DMRTC1: variants seen among roughly 807,000 people sequenced by gnomAD.
DMRTC1 encodes the protein doublesex- and mab-3-related transcription factor C1.
For missense variants in DMRTC1, 9 were observed against 34.6 expected (o/e 0.26, Z 1.86); for synonymous variants, 7 against 14.1 (o/e 0.50, Z 1.13).
rs1348124480 is a variant in DMRTC1, at chrX:72,913,573, G to A, written c.-95+30002C>T. ...TGTTACTAGGTCCTGGTGGCGATGG[G>A]CTGTAGCCAATCAACGGTGAGTTTT... On this transcript the variant is annotated intron_variant, in intron 1 of 6. Coordinates refer to ENST00000615063, the MANE Select transcript of DMRTC1 (RefSeq NM_033053.3). Among the ~76,000 whole-genome samples the A allele has an allele frequency of 3.0e-4, 30 of 101,186 alleles. 1 individual carries two copies. Among genetic ancestry groups the A allele is most frequent in the Middle Eastern group, 9.8e-3 (2 of 204 alleles). The allele number at this position is 101,186 out of a possible 115,157, so 87.9% of individuals were successfully genotyped here. A position where few individuals can be genotyped will look rare whatever the true frequency, so the allele number is the denominator to read the frequency against.
chrX:72,879,147 G>GTTT (rs781972795), intron 1 of DMRTC1, among the ~76,000 whole-genome samples: 35 of 12,779 alleles, frequency 2.7e-3, no homozygotes, highest in Non-Finnish European at 3.7e-3. Context: ...TTTTTTGTTT[G>GTTT]TTTTTTTTTT....
chrX:72,902,837 A>G lies in DMRTC1; in HGVS notation c.-94-27049T>C, dbSNP rs1240523084. 3.5e-4 allele frequency among the ~76,000 whole-genome samples: 11 copies of G among 31,293 alleles called. No individual in the cohort carries two copies. In the Admixed American group the frequency reaches 4.8e-3, roughly 14 times the overall value. The allele number at this position is 31,293 out of a possible 115,157, so 27.2% of individuals were successfully genotyped here. On this transcript the variant is annotated intron_variant, in intron 1 of 6. Coordinates refer to ENST00000615063, the MANE Select transcript of DMRTC1 (RefSeq NM_033053.3). ...ATACCAATCCTACTCAAAGTACTTC[A>G]AAAGGTAGAGGAGGAGGGAATACTT...
chrX:72,906,118 G>A (rs1556354780), intron 1 of DMRTC1, among the ~76,000 whole-genome samples: 1 of 68,114 alleles, frequency 1.5e-5, no homozygotes, highest in Admixed American at 1.8e-4. Context: ...CAATTACGCA[G>A]CAATAAATGG....
At chrX:72,916,372 C>T (rs1461562077) in intron 1 of DMRTC1, among the ~76,000 whole-genome samples, 2 of 108,125 alleles carry the variant, frequency 1.8e-5, no homozygotes, top group Non-Finnish European at 3.8e-5. Context: ...TCTAGGGGGT[C>T]CTATTGAACT....
intron 1 of DMRTC1, among the ~76,000 whole-genome samples, chrX:72,905,883 AT>A (rs2054929926): frequency 8.8e-6 from 1 of 113,934 alleles, no homozygotes; most frequent in East Asian, 2.7e-4. Context: ...ATAATAAAAA[AT>A]TAGAGCAGAA....
rs1217042192 is a variant in DMRTC1, at chrX:72,880,659, T to TCTTTG, written c.-94-4876_-94-4872dup. Among the ~76,000 whole-genome samples the TCTTTG allele has an allele frequency of 2.3e-3, 30 of 13,243 alleles. 6 individuals are homozygous for TCTTTG. Among genetic ancestry groups the TCTTTG allele is most frequent in the African/African-American group, 5.9e-3 (30 of 5,103 alleles). The allele number at this position is 13,243 out of a possible 115,157, so 11.5% of individuals were successfully genotyped here. ...TTGCTTTGCTTTGCTTTGCTTTTTC[T>TCTTTG]CTTTGCTTTGCTTTGCTTTTTCTCT... On this transcript the variant is annotated intron_variant, in intron 1 of 6. Coordinates refer to ENST00000615063, the MANE Select transcript of DMRTC1 (RefSeq NM_033053.3).
At chrX:72,913,533 C>G (rs1195213787) in intron 1 of DMRTC1, 3 of 396,578 alleles carry the variant, frequency 7.6e-6, no homozygotes, top group Middle Eastern at 6.8e-4. Context: ...CTGCCCTCCT[C>G]GAGGCAGCGC....
chrX:72,922,658 CA>C (rs1371259884), intron 1 of DMRTC1, among the ~76,000 whole-genome samples: 2,493 of 35,274 alleles, frequency 0.071, 767 homozygotes, highest in Middle Eastern at 0.17. Flanking sequence ...ACAACAACAA[CA>C]AAAAAAAAAA....
At position 72,872,209 on chromosome X, in the gene DMRTC1, C is replaced by A; in HGVS notation, c.*243G>T. On this transcript the variant is annotated 3_prime_UTR_variant, in exon 7 of 7. Coordinates refer to ENST00000615063, the MANE Select transcript of DMRTC1 (RefSeq NM_033053.3). ...AGAACCCCACTGAGAGACTGATCAACTTAGATTGCACAATCCTGTCTTTAT... is the reference window on the plus strand; with the variant it reads ...AGAACCCCACTGAGAGACTGATCAAATTAGATTGCACAATCCTGTCTTTAT... The A allele has an allele frequency of 5.8e-6, 1 of 173,554 alleles. No homozygotes were observed. 14.3% of individuals were successfully genotyped at this position (173,554 alleles called of 1,213,427 possible). A position where few individuals can be genotyped will look rare whatever the true frequency, so the allele number is the denominator to read the frequency against.
intron 1 of DMRTC1, among the ~76,000 whole-genome samples, chrX:72,905,937 A>G (rs1378339087): frequency 1.8e-5 from 2 of 113,666 alleles, no homozygotes; most frequent in Non-Finnish European, 3.7e-5. Context: ...GAAAATAATC[A>G]GTGAAAATAA....
At chrX:72,874,717 A>ACCT (rs1745246698) in intron 4 of DMRTC1, 108 bp downstream of exon 4, 2 of 132,259 alleles carry the variant, frequency 1.5e-5, no homozygotes, top group African/African-American at 2.6e-4. Flanking sequence ...CTCCCCCTCC[A>ACCT]CCACCTCCTC....
rs201080374 is a variant in DMRTC1 at position 72,872,804 on chromosome X, C to T, written c.467-240G>A. On this transcript the variant is annotated intron_variant, in intron 6 of 6. Coordinates refer to ENST00000615063, the MANE Select transcript of DMRTC1 (RefSeq NM_033053.3). ...GTTCTCCCTAGCTCAGAAAACGTTC[C>T]CTGGCTCCTCACTACCCACAGTTGC... 0.042 allele frequency among the ~76,000 whole-genome samples: 2,970 copies of T among 70,472 alleles called. 303 individuals are homozygous for T. The East Asian group carries it at 0.61, about 14-fold the overall frequency. The allele number at this position is 70,472 out of a possible 115,157, so 61.2% of individuals were successfully genotyped here. A position where few individuals can be genotyped will look rare whatever the true frequency, so the allele number is the denominator to read the frequency against.
chrX:72,872,329 C>T lies in DMRTC1; in HGVS notation c.*123G>A. 2.5e-6 allele frequency: 1 copy of T among 397,421 alleles called. No homozygotes were observed. The highest frequency in any genetic ancestry group is 3.7e-5 in the South Asian group (1 of 26,767). 32.8% of individuals were successfully genotyped at this position (397,421 alleles called of 1,213,427 possible). A position where few individuals can be genotyped will look rare whatever the true frequency, so the allele number is the denominator to read the frequency against. On this transcript the variant is annotated 3_prime_UTR_variant, in exon 7 of 7. Transcript: ENST00000615063. Reference sequence around the variant, plus strand: ...AGGAGTTGCCCCATATAATAAAAAGCTTATAAAACACCTGAAGGCTTTAAA... The same window carrying T: ...AGGAGTTGCCCCATATAATAAAAAGTTTATAAAACACCTGAAGGCTTTAAA...
intron 1 of DMRTC1, among the ~76,000 whole-genome samples, chrX:72,905,179 CA>C (rs34225140): frequency 5.6e-4 from 5 of 8,878 alleles, no homozygotes; most frequent in African/African-American, 1.6e-3. Context: ...AATAGCACTG[CA>C]AAAAAAAAAA....
At position 72,874,872 on chromosome X, in the gene DMRTC1, C is replaced by G; in HGVS notation, c.210G>C (p.Leu70=). Residue 70 remains leucine, a synonymous_variant, in exon 4 of 7, where the codon CTG becomes CTC. Coordinates refer to ENST00000615063, the MANE Select transcript of DMRTC1 (RefSeq NM_033053.3). ...PCTPVTLEQQ[L]VSPSGDPHRA... is the part of the protein sequence containing the mutation. ...TGTGGGGATCCCCAGAAGGAGAAAC[C>G]AGTTGCTGCTCCAAGGTCACTGGAG... 4.2e-6 allele frequency: 1 copy of G among 239,172 alleles called. No individual in the cohort carries two copies. The highest frequency in any genetic ancestry group is 8.2e-5 in the South Asian group (1 of 12,253). 19.7% of individuals were successfully genotyped at this position (239,172 alleles called of 1,213,427 possible).
intron 1 of DMRTC1, among the ~76,000 whole-genome samples, chrX:72,879,734 C>CCTTTCTTT (rs782282890): frequency 5.9e-3 from 667 of 112,527 alleles, no homozygotes; most frequent in African/African-American, 0.014. Flanking sequence ...TCTTTCTTTT[C>CCTTTCTTT]CTTTCTTTCT....
At chrX:72,906,005 G>T (rs1447988390) in intron 1 of DMRTC1, among the ~76,000 whole-genome samples, 45 of 98,741 alleles carry the variant, frequency 4.6e-4, no homozygotes, top group Non-Finnish European at 4.6e-4. Context: ...GACTAAATGA[G>T]AAGAAAAGAG....
chrX:72,875,067 C>T, intron 3 of DMRTC1, 109 bp from the exon 4 acceptor site: 3 of 88,267 alleles, frequency 3.4e-5, no homozygotes, highest in Middle Eastern at 2.5e-3. Context: ...GTCAGAGCTC[C>T]GAAGACCTTG....
chrX:72,886,766 G>A lies in DMRTC1; in HGVS notation c.-94-10978C>T, dbSNP rs1428262650. Among the ~76,000 whole-genome samples the A allele has an allele frequency of 3.0e-4, 17 of 56,594 alleles. No individual in the cohort carries two copies. The East Asian group carries it at 4.2e-3, about 14-fold the overall frequency. 49.1% of individuals were successfully genotyped at this position (56,594 alleles called of 115,157 possible). A position where few individuals can be genotyped will look rare whatever the true frequency, so the allele number is the denominator to read the frequency against. On this transcript the variant is annotated intron_variant, in intron 1 of 6. Transcript: ENST00000615063. ...TTTTAGGATATTTTTTTCTATTTCC[G>A]TAAAAAATATCGTTGGTATTTTGGG...
Sources: allele counts gnomAD v4.1 joint callset (sites outside exome capture counted in the v4.1 genomes callset), GRCh38; gene constraint gnomAD v4.1.1; transcripts MANE v1.5; gene names NCBI Gene and HGNC (gene_info 2026-07-23, HGNC 2026-07-21).